The following PTPRT variants were observed in gnomAD, a reference collection of about 807,000 sequenced individuals.
The protein encoded by PTPRT is protein tyrosine phosphatase receptor type T, also known as receptor-type tyrosine-protein phosphatase T.
In PTPRT, 56 loss-of-function variants were observed where a neutral mutation model predicts 176.8. That is an observed-to-expected ratio of 0.32 (90% CI 0.26 to 0.40). The LOEUF is 0.40. Ranked by LOEUF, PTPRT falls within the 10% of genes least tolerant of loss-of-function variation. PTPRT has a pLI of 1.00. For synonymous variants in PTPRT, 783 were observed against 739.0 expected (o/e 1.06, Z -0.96); for missense variants, 1,540 against 1,908.2 (o/e 0.81, Z 3.60).
Position 42,084,713 on chromosome 20 carries a change from C to T in PTPRT, c.4105G>A (p.Gly1369Arg), listed in dbSNP as rs779764608. The change falls in exon 29 of 31, where the codon GGG becomes AGG. Residue 1369 changes from glycine to arginine, a missense_variant. This residue lies in a region of PTPRT where 342 missense variants were observed against 394.0 expected (regional missense o/e 0.87). Coordinates refer to ENST00000373187, the MANE Select transcript of PTPRT (RefSeq NM_007050.6). Reference sequence around the variant, plus strand: ...TGGACCACAGTACGTCCCTCCCTCCCGTCATACTGCTCCTGCCACTTCTCC... The same window carrying T: ...TGGACCACAGTACGTCCCTCCCTCCTGTCATACTGCTCCTGCCACTTCTCC... ...RLEKWQEQYD[G>R]REGRTVVHCL... The T allele has an allele frequency of 4.2e-5, 65 of 1,555,838 alleles. No individual in the cohort carries two copies. The highest frequency in any genetic ancestry group is 5.1e-5 in the Non-Finnish European group (59 of 1,146,574).
At chr20:42,326,953 A>T (rs2057891572) in intron 11 of PTPRT, among the ~76,000 whole-genome samples, 1 of 135,732 alleles carries the variant, frequency 7.4e-6, no homozygotes, top group South Asian at 2.3e-4. Flanking sequence ...TTAAGAACTT[A>T]AAAAAAAAAA....
At chr20:42,181,650 G>A (rs138527275) in intron 16 of PTPRT, among the ~76,000 whole-genome samples, 1 of 152,084 alleles carries the variant, frequency 6.6e-6, no homozygotes, top group Middle Eastern at 3.2e-3. Context: ...GTGAACCATT[G>A]TGATCTATCC....
intron 17 of PTPRT, among the ~76,000 whole-genome samples, chr20:42,155,017 C>A (rs554987206): frequency 1.4e-4 from 21 of 152,164 alleles, no homozygotes; most frequent in Non-Finnish European, 2.9e-4. Context: ...TGTGTGTGGG[C>A]ACATGCTGGG....
chr20:42,850,425 A>C (rs924625802), intron 2 of PTPRT, among the ~76,000 whole-genome samples: 2 of 152,342 alleles, frequency 1.3e-5, no homozygotes. Context: ...GCCCAACCTG[A>C]AAAGGCATTT....
intron 16 of PTPRT, among the ~76,000 whole-genome samples, chr20:42,170,885 C>T (rs1470117275): frequency 6.6e-6 from 1 of 152,130 alleles, no homozygotes; most frequent in East Asian, 1.9e-4. Flanking sequence ...GAGTTCTCCA[C>T]CTACAACTTA....
intron 17 of PTPRT, among the ~76,000 whole-genome samples, chr20:42,155,198 C>T (rs1351820081): frequency 6.6e-6 from 1 of 152,130 alleles, no homozygotes; most frequent in Non-Finnish European, 1.5e-5. Context: ...GTGGCCTGAG[C>T]ATTGGTGTTT....
intron 7 of PTPRT, among the ~76,000 whole-genome samples, chr20:42,477,548 G>C (rs1258113959): frequency 6.6e-6 from 1 of 152,178 alleles, no homozygotes; most frequent in East Asian, 1.9e-4. Context: ...GCAGCATGGA[G>C]AATCTGGGGT....
At chr20:42,957,952 T>C (rs1436109320) in intron 1 of PTPRT, among the ~76,000 whole-genome samples, 1 of 151,726 alleles carries the variant, frequency 6.6e-6, no homozygotes, top group Non-Finnish European at 1.5e-5. Context: ...TATTGGGTAC[T>C]TTGGGCCCAA....
intron 7 of PTPRT, among the ~76,000 whole-genome samples, chr20:42,592,302 T>C (rs890018589): frequency 1.3e-5 from 2 of 152,140 alleles, no homozygotes. Context: ...ACGATAAATA[T>C]GTAGGCCAGG....
the PTPRT span, among the ~76,000 whole-genome samples, chr20:42,044,372 A>C: frequency 1.3e-5 from 2 of 152,324 alleles, no homozygotes; most frequent in African/African-American, 2.4e-5. Context: ...GGACTTTACA[A>C]CCACTCAGGC....
rs984153168 is a variant in PTPRT at position 43,022,889 on chromosome 20, C to T, written c.89-136957G>A. On this transcript the variant is annotated intron_variant, in intron 1 of 30. Transcript: ENST00000373187. ...GAGTTGGCAACATGGTTACTCCAGA[C>T]CTGCAGGGATTTAAAGGGATATTTA... 3.9e-5 allele frequency among the ~76,000 whole-genome samples: 6 copies of T among 152,106 alleles called. No individual in the cohort carries two copies. In the South Asian group the frequency reaches 8.3e-4, roughly 21 times the overall value.
rs760600952 is a variant in PTPRT at position 42,350,229 on chromosome 20, T to TGGTGTTTTG, written c.1865+398_1865+399insCAAAACACC. ...GATGTTTCTTGTTTTTTTTTTTTTTTTTTTTTTTTTTTTTTTTGAGACAGG... is the reference window on the plus strand; with the variant it reads ...GATGTTTCTTGTTTTTTTTTTTTTTTGGTGTTTTGTTTTTTTTTTTTTTTTTGAGACAGG... On this transcript the variant is annotated intron_variant, in intron 11 of 30. Transcript: ENST00000373187. 2.5e-4 allele frequency among the ~76,000 whole-genome samples: 24 copies of TGGTGTTTTG among 96,136 alleles called. 1 individual carries two copies. Among genetic ancestry groups the TGGTGTTTTG allele is most frequent in the African/African-American group, 3.1e-4 (8 of 25,572 alleles). 63.1% of individuals were successfully genotyped at this position (96,136 alleles called of 152,430 possible).
chr20:42,359,792 C>A (rs550501195), intron 9 of PTPRT, among the ~76,000 whole-genome samples: 1 of 152,366 alleles, frequency 6.6e-6, no homozygotes, highest in African/African-American at 2.4e-5. Flanking sequence ...CCGGGGCCTG[C>A]CCGGGCTGCA....
In PTPRT at chr20:42,930,799, G is replaced by A. The variant is rs569078324; in HGVS notation, c.89-44867C>T. On this transcript the variant is annotated intron_variant, in intron 1 of 30. Coordinates refer to ENST00000373187, the MANE Select transcript of PTPRT (RefSeq NM_007050.6). ...CCAGACCCTCATACATAATTCTTGC[G>A]ACTTTCCCTCTCTATTATGAAACAA... 7.2e-5 allele frequency among the ~76,000 whole-genome samples: 11 copies of A among 152,078 alleles called. No homozygotes were observed. In the South Asian group the frequency reaches 2.1e-3, roughly 29 times the overall value.
chr20:42,999,470 G>A (rs977487842), intron 1 of PTPRT, among the ~76,000 whole-genome samples: 1 of 151,980 alleles, frequency 6.6e-6, no homozygotes, highest in African/African-American at 2.4e-5. Context: ...GCTTCTGAGG[G>A]GTGGGAATGG....
In PTPRT at chr20:42,508,127, T is replaced by G. The variant is rs111554539; in HGVS notation, c.1154-35565A>C. On this transcript the variant is annotated intron_variant, in intron 7 of 30. Coordinates refer to ENST00000373187, the MANE Select transcript of PTPRT (RefSeq NM_007050.6). ...TTAATAAAATCAGTAATTACCCTTT[T>G]TGTGTGTGTGTGTGTGTGTGTGTAT... is the stretch of plus-strand genomic sequence containing the variant. Among the ~76,000 whole-genome samples the G allele has an allele frequency of 2.0e-3, 293 of 146,636 alleles. 1 individual carries two copies. The highest frequency in any genetic ancestry group is 3.5e-3 in the Admixed American group (52 of 14,870).
intron 1 of PTPRT, among the ~76,000 whole-genome samples, chr20:42,944,474 G>A (rs1980756824): frequency 6.6e-6 from 1 of 152,136 alleles, no homozygotes; most frequent in South Asian, 2.1e-4. Context: ...TCGTTGAGAT[G>A]GCCCACCAGG....
At chr20:43,087,692 C>A (rs2011654221) in intron 1 of PTPRT, among the ~76,000 whole-genome samples, 1 of 152,190 alleles carries the variant, frequency 6.6e-6, no homozygotes, top group South Asian at 2.1e-4. Context: ...GGCCTCTGAG[C>A]CACTCAATAC....
At chr20:42,207,163 A>C (rs556363540) in intron 15 of PTPRT, among the ~76,000 whole-genome samples, 1 of 152,228 alleles carries the variant, frequency 6.6e-6, no homozygotes, top group Non-Finnish European at 1.5e-5. Context: ...ATCAAAGACC[A>C]AAAGTAGATA....
Sources: gnomAD v4.1 joint callset for allele counts (sites outside exome capture counted in the v4.1 genomes callset) on GRCh38, gnomAD v4.1.1 for gene constraint, gnomAD v4.1.1 regional missense constraint, MANE v1.5 for transcripts, NCBI Gene and HGNC (gene_info 2026-07-23, HGNC 2026-07-21) for gene names.